PCDHA6: variants seen among roughly 807,000 people sequenced by gnomAD.
The protein encoded by PCDHA6 is protocadherin alpha 6, also known as protocadherin alpha-6.
PCDHA6 carries 55 observed loss-of-function variants against 60.3 expected under a neutral mutation model. The ratio of observed to expected loss-of-function variants is 0.91; its 90% CI spans 0.73 to 1.14. The LOEUF is 1.14. PCDHA6 is among the 50% of genes most tolerant of loss of function. The pLI is 0.00. For missense variants in PCDHA6, 1,327 were observed against 1,256.5 expected (o/e 1.06, Z -0.85); for synonymous variants, 652 against 557.9 (o/e 1.17, Z -2.38).
At chr5:140,923,714 A>G (rs1396629400) in intron 1 of PCDHA6, among the ~76,000 whole-genome samples, 7 of 152,250 alleles carry the variant, frequency 4.6e-5, no homozygotes, top group African/African-American at 1.4e-4. Context: ...TACTTGAATA[A>G]GAATGCAATG....
At chr5:140,963,319 G>T (rs1554226565) in intron 1 of PCDHA6, among the ~76,000 whole-genome samples, 1 of 152,174 alleles carries the variant, frequency 6.6e-6, no homozygotes, top group East Asian at 1.9e-4. Flanking sequence ...GTTTGTATTA[G>T]AATTACACAG....
Position 140,829,644 on chromosome 5 carries a change from A to T in PCDHA6, c.1553A>T (p.Tyr518Phe), listed in dbSNP as rs1770465751. ...GTGCACGCGGAGAGCGGCAAGGTGTACGCGCTGCAGCCGCTGGACCACGAG... is the reference window on the plus strand; with the variant it reads ...GTGCACGCGGAGAGCGGCAAGGTGTTCGCGCTGCAGCCGCTGGACCACGAG... The part of the protein sequence containing the change: ...ISVHAESGKV[Y>F]ALQPLDHEEL... Residue 518 changes from tyrosine (Y) to phenylalanine (F), a missense_variant, in exon 1 of 4, where the codon TAC (tyrosine) becomes TTC (phenylalanine). Transcript: ENST00000529310. 1 of 1,612,124 alleles carries T rather than the reference A, an allele frequency of 6.2e-7. No homozygotes were observed. Among genetic ancestry groups the T allele is most frequent in the South Asian group, 1.1e-5 (1 of 91,022 alleles).
intron 3 of PCDHA6, among the ~76,000 whole-genome samples, chr5:141,009,094 C>A (rs1350235475): frequency 6.6e-6 from 1 of 152,176 alleles, no homozygotes; most frequent in Non-Finnish European, 1.5e-5. Context: ...AAGAACCAAA[C>A]ATATGTTACT....
intron 1 of PCDHA6, chr5:140,863,201 C>T (rs782647654): frequency 2.2e-5 from 20 of 925,678 alleles, no homozygotes; most frequent in South Asian, 1.0e-4. Context: ...GCGTCGCTGG[C>T]GGAGAGCAGC....
intron 1 of PCDHA6, chr5:140,877,539 C>G (rs1562735979): frequency 2.5e-6 from 4 of 1,613,788 alleles, no homozygotes; most frequent in South Asian, 1.1e-5. Flanking sequence ...CTGTGGATCC[C>G]GAAGCGGCTC....
At chr5:140,902,085 GT>G (rs1225919893) in intron 1 of PCDHA6, among the ~76,000 whole-genome samples, 1 of 151,518 alleles carries the variant, frequency 6.6e-6, no homozygotes, top group African/African-American at 2.4e-5. Context: ...TGTTTTAATA[GT>G]TTTTTGGAGT....
At chr5:140,873,631 A>G (rs2054392579) in intron 1 of PCDHA6, among the ~76,000 whole-genome samples, 1 of 152,222 alleles carries the variant, frequency 6.6e-6, no homozygotes, top group Non-Finnish European at 1.5e-5. Flanking sequence ...TTTAGGTCAA[A>G]GAGTATGTGA....
chr5:140,869,284 C>T, intron 1 of PCDHA6: 1 of 1,613,582 alleles, frequency 6.2e-7, no homozygotes, highest in Non-Finnish European at 8.5e-7. Flanking sequence ...GGAGCTGGTG[C>T]AGCGCCTGTT....
intron 1 of PCDHA6, among the ~76,000 whole-genome samples, chr5:140,898,923 T>G (rs2067045385): frequency 6.6e-6 from 1 of 152,144 alleles, no homozygotes; most frequent in South Asian, 2.1e-4. Flanking sequence ...GTAAGTTGGA[T>G]TCCTAAGTAT....
intron 1 of PCDHA6, among the ~76,000 whole-genome samples, chr5:140,960,851 T>C (rs782540669): frequency 5.3e-5 from 8 of 152,210 alleles, no homozygotes; most frequent in Non-Finnish European, 7.3e-5. Context: ...TAATGGCAAC[T>C]ATAAGCCAGA....
In PCDHA6 at chr5:140,869,909, G is replaced by A. The variant is rs781996593; in HGVS notation, c.2394+39424G>A. ...GTGCTCAAACTAAACGCCACAGACCGAGACGAAGGAGTCAATGGAGAGGTA... is the reference window on the plus strand; with the variant it reads ...GTGCTCAAACTAAACGCCACAGACCAAGACGAAGGAGTCAATGGAGAGGTA... On this transcript the variant is annotated intron_variant, in intron 1 of 3. Transcript: ENST00000529310. 2.6e-5 allele frequency: 42 copies of A among 1,610,632 alleles called. No individual in the cohort carries two copies. Among genetic ancestry groups the A allele is most frequent in the Non-Finnish European group, 3.1e-5 (36 of 1,178,298 alleles).
rs530025575 is a variant in PCDHA6 at position 140,922,023 on chromosome 5, TA to T, written c.2395-56920del. On this transcript the variant is annotated intron_variant, in intron 1 of 3. Coordinates refer to ENST00000529310, the MANE Select transcript of PCDHA6 (RefSeq NM_018909.4). ...AATGATTAGTTTAAAAAAATAAATA[TA>T]AAAAATGTAATTTTCCCACATACCT... Among the ~76,000 whole-genome samples, 1,214 of 152,080 alleles carry T rather than the reference TA, an allele frequency of 8.0e-3. 6 individuals carry two copies. The highest frequency in any genetic ancestry group is 0.019 in the African/African-American group (784 of 41,506).
chr5:141,009,649 C>G lies in PCDHA6; in HGVS notation c.2565C>G (p.Ser855=). The change falls in exon 4 of 4, where the codon TCC becomes TCG. Residue 855 remains serine, a synonymous_variant. Coordinates refer to ENST00000529310, the MANE Select transcript of PCDHA6 (RefSeq NM_018909.4). ...ATPEPEAGEV[S]PPVGAGVNSN... ...CAGAACCAGAGGCAGGAGAAGTGTC[C>G]CCTCCAGTCGGTGCGGGTGTCAACA... 1 of 1,613,646 alleles carries G rather than the reference C, an allele frequency of 6.2e-7. No homozygotes were observed. The highest frequency in any genetic ancestry group is 8.5e-7 in the Non-Finnish European group (1 of 1,179,816).
chr5:140,829,899 A>G lies in PCDHA6; in HGVS notation c.1808A>G (p.Tyr603Cys). 8 of 1,614,020 alleles carry G rather than the reference A, an allele frequency of 5.0e-6. No homozygotes were observed. The highest frequency in any genetic ancestry group is 6.8e-6 in the Non-Finnish European group (8 of 1,179,916). The change falls in exon 1 of 4, where the codon TAC becomes TGC. Residue 603 changes from tyrosine (Y) to cysteine (C), a missense_variant. Coordinates refer to ENST00000529310, the MANE Select transcript of PCDHA6 (RefSeq NM_018909.4). ...CGCGCAGTTGACGCCGACTCAGGCT[A>G]CAACGCGTGGCTTTCGTATGAGCTG... ...KVRAVDADSG[Y>C]NAWLSYELQP... is the part of the protein sequence containing the mutation.
chr5:140,883,639 G>A (rs2059720248), intron 1 of PCDHA6: 1 of 1,614,016 alleles, frequency 6.2e-7, no homozygotes, highest in Non-Finnish European at 8.5e-7. Context: ...CGTTCGCGCA[G>A]CCCGAGTACA....
At chr5:140,877,141 G>T (rs1554169360) in intron 1 of PCDHA6, 2 of 1,613,680 alleles carry the variant, frequency 1.2e-6, no homozygotes, top group African/African-American at 1.3e-5. Flanking sequence ...GTTCGTGCTG[G>T]ACGAGAACGA....
chr5:140,842,803 T>A, intron 1 of PCDHA6: 2 of 1,594,132 alleles, frequency 1.3e-6, no homozygotes, highest in Non-Finnish European at 8.6e-7. Flanking sequence ...CCTACTCGCT[T>A]GTGGAGCGGC....
chr5:140,882,539 G>A (rs1303287274), intron 1 of PCDHA6: 2 of 1,614,110 alleles, frequency 1.2e-6, no homozygotes, highest in African/African-American at 2.7e-5. Flanking sequence ...TTCTCGGATC[G>A]ACCGCGAGGA....
intron 1 of PCDHA6, chr5:140,870,108 C>T (rs1317421695): frequency 1.2e-6 from 2 of 1,613,788 alleles, no homozygotes; most frequent in Non-Finnish European, 1.7e-6. Context: ...ACTGTACAGT[C>T]TGGGTGGAAA....
Sources: allele counts gnomAD v4.1 joint callset (sites outside exome capture counted in the v4.1 genomes callset), GRCh38; gene constraint gnomAD v4.1.1; transcripts MANE v1.5; gene names NCBI Gene and HGNC (gene_info 2026-07-23, HGNC 2026-07-21).